RAD51B: variants seen among roughly 807,000 people sequenced by gnomAD.
RAD51B encodes the protein DNA repair protein RAD51 homolog 2.
RAD51B carries 38 observed loss-of-function variants against 42.2 expected under a neutral mutation model. The observed-to-expected ratio is 0.90, with a 90% CI of 0.70 to 1.18. The LOEUF is 1.18. RAD51B is among the 50% of genes most tolerant of loss of function. The pLI is 0.00. For synonymous variants in RAD51B, 154 were observed against 145.2 expected (o/e 1.06, Z -0.43); for missense variants, 373 against 400.7 (o/e 0.93, Z 0.59).
chr14:68,351,604 A>G (rs897906776), intron 8 of RAD51B, among the ~76,000 whole-genome samples: 1 of 152,142 alleles, frequency 6.6e-6, no homozygotes, highest in African/African-American at 2.4e-5. Context: ...CATACTTTAC[A>G]AGCCTTTACT....
chr14:68,639,391 C>G (rs4643253), intron 10 of RAD51B, among the ~76,000 whole-genome samples: 2 of 150,420 alleles, frequency 1.3e-5, no homozygotes, highest in Admixed American at 6.6e-5. Flanking sequence ...TGGCAGGAGG[C>G]TTTTATGAGC....
intron 7 of RAD51B, among the ~76,000 whole-genome samples, chr14:67,985,601 C>T (rs10146719): frequency 0.06 from 9,093 of 152,042 alleles, 635 homozygotes; most frequent in African/African-American, 0.17. Flanking sequence ...TTTTGTGACA[C>T]GGACAGCTTT....
intron 7 of RAD51B, among the ~76,000 whole-genome samples, chr14:67,907,157 C>T (rs960844280): frequency 6.6e-6 from 1 of 151,934 alleles, no homozygotes; most frequent in Non-Finnish European, 1.5e-5. Flanking sequence ...GTCTATCAAT[C>T]TTATTCATTT....
chr14:68,602,451 G>A (rs1286957384), intron 10 of RAD51B, among the ~76,000 whole-genome samples: 2 of 152,084 alleles, frequency 1.3e-5, no homozygotes, highest in East Asian at 3.9e-4. Flanking sequence ...GAACCAACAG[G>A]GTTGGATGCG....
chr14:68,542,029 T>A (rs766067240), intron 10 of RAD51B, among the ~76,000 whole-genome samples: 2 of 152,220 alleles, frequency 1.3e-5, no homozygotes, highest in African/African-American at 2.4e-5. Context: ...TTTCCTAATA[T>A]ATTATGTACA....
intron 10 of RAD51B, among the ~76,000 whole-genome samples, chr14:68,635,369 T>C (rs1247218638): frequency 6.6e-6 from 1 of 152,234 alleles, no homozygotes; most frequent in Non-Finnish European, 1.5e-5. Flanking sequence ...CAAATGGAAC[T>C]GCTTTAAACT....
chr14:68,208,862 A>G (rs2079647145), intron 7 of RAD51B, among the ~76,000 whole-genome samples: 1 of 152,232 alleles, frequency 6.6e-6, no homozygotes, highest in African/African-American at 2.4e-5. Context: ...AAGCTGCATT[A>G]TGATAGAGTT....
chr14:68,323,537 A>C (rs1262466206), intron 8 of RAD51B, among the ~76,000 whole-genome samples: 1 of 152,186 alleles, frequency 6.6e-6, no homozygotes, highest in African/African-American at 2.4e-5. Flanking sequence ...CAGGCCTGTA[A>C]TCCTAACACT....
At chr14:68,517,119 A>G (rs1476958541) in intron 10 of RAD51B, among the ~76,000 whole-genome samples, 3 of 152,172 alleles carry the variant, frequency 2.0e-5, no homozygotes, top group Admixed American at 1.3e-4. Context: ...AACTCAGGAC[A>G]CTCACACAAG....
intron 5 of RAD51B, among the ~76,000 whole-genome samples, chr14:67,875,885 A>G (rs540810034): frequency 6.6e-6 from 1 of 152,304 alleles, no homozygotes; most frequent in South Asian, 2.1e-4. Context: ...ACATATTGAC[A>G]TATTTGCTTG....
intron 10 of RAD51B, among the ~76,000 whole-genome samples, chr14:68,605,792 GC>G (rs1182240850): frequency 1.3e-5 from 2 of 152,116 alleles, no homozygotes; most frequent in Admixed American, 6.5e-5. Context: ...CAGCCTTCCT[GC>G]CCCCCTGCAA....
chr14:68,604,332 C>T (rs1282922407), intron 10 of RAD51B, among the ~76,000 whole-genome samples: 3 of 152,004 alleles, frequency 2.0e-5, no homozygotes, highest in Admixed American at 2.0e-4. Context: ...GCTAGGGTTT[C>T]CAGTGTGATA....
At chr14:67,997,787 TTTTA>T (rs1188948171) in intron 7 of RAD51B, among the ~76,000 whole-genome samples, 4 of 152,184 alleles carry the variant, frequency 2.6e-5, no homozygotes, top group Admixed American at 6.5e-5. Context: ...TCTTTGCTAA[TTTTA>T]TTTGTCTTTT....
chr14:68,527,319 A>G (rs1273961655), intron 10 of RAD51B, among the ~76,000 whole-genome samples: 1 of 152,212 alleles, frequency 6.6e-6, no homozygotes, highest in Non-Finnish European at 1.5e-5. Flanking sequence ...GAGCCTAGAC[A>G]GTTTAGCTTC....
Position 68,008,656 on chromosome 14 carries a change from G to A in RAD51B, c.756+121452G>A, listed in dbSNP as rs141158957. Among the ~76,000 whole-genome samples the A allele has an allele frequency of 2.3e-3, 351 of 151,968 alleles. 1 individual carries two copies. Among genetic ancestry groups the A allele is most frequent in the African/African-American group, 8.2e-3 (340 of 41,506 alleles). On this transcript the variant is annotated intron_variant, in intron 7 of 10. Transcript: ENST00000471583. ...GTGAGACCTTTTCCCATTGGCCCTGGGATTTTCTTCCTTTGGTTTATGAGT... is the reference window on the plus strand; with the variant it reads ...GTGAGACCTTTTCCCATTGGCCCTGAGATTTTCTTCCTTTGGTTTATGAGT...
chr14:68,576,776 G>C (rs1320096096), intron 10 of RAD51B, among the ~76,000 whole-genome samples: 1 of 152,172 alleles, frequency 6.6e-6, no homozygotes, highest in Non-Finnish European at 1.5e-5. Flanking sequence ...TAAGGAAGGG[G>C]TCAGAGGTGA....
At chr14:68,184,829 G>A (rs1003321400) in intron 7 of RAD51B, among the ~76,000 whole-genome samples, 4 of 152,194 alleles carry the variant, frequency 2.6e-5, no homozygotes, top group Non-Finnish European at 5.9e-5. Flanking sequence ...TAATGCTTGA[G>A]CATTTTGAAA....
chr14:68,643,696 A>T (rs1473436958), intron 10 of RAD51B, among the ~76,000 whole-genome samples: 1 of 152,240 alleles, frequency 6.6e-6, no homozygotes, highest in Non-Finnish European at 1.5e-5. Context: ...TTAAAATAAT[A>T]TGAATGCTAA....
intron 9 of RAD51B, among the ~76,000 whole-genome samples, chr14:68,434,169 C>G (rs1053158931): frequency 1.3e-5 from 2 of 152,216 alleles, no homozygotes; most frequent in Non-Finnish European, 2.9e-5. Context: ...GGGTGCCTCC[C>G]AGTTAAGCTA....
Sources: allele counts gnomAD v4.1 joint callset (sites outside exome capture counted in the v4.1 genomes callset), GRCh38; gene constraint gnomAD v4.1.1; transcripts MANE v1.5; gene names NCBI Gene and HGNC (gene_info 2026-07-23, HGNC 2026-07-21).